Variants in ADCY2 observed in about 807,000 individuals in gnomAD.
ADCY2 encodes the protein adenylate cyclase 2.
Under a neutral mutation model 125.2 loss-of-function variants are expected in ADCY2, and 31 were observed. That is an observed-to-expected ratio of 0.25 (90% CI 0.19 to 0.33). The LOEUF is 0.33. Ranked by LOEUF, ADCY2 falls within the 10% of genes least tolerant of loss-of-function variation. The pLI is 1.00. For missense variants in ADCY2, 904 were observed against 1,418.2 expected, an observed-to-expected ratio of 0.64 and a Z score of 5.82; for synonymous variants, 512 against 548.4, an observed-to-expected ratio of 0.93 and a Z score of 0.93.
At chr5:7,403,129 G>A (rs1739331054) in intron 1 of ADCY2, among the ~76,000 whole-genome samples, 1 of 151,804 alleles carries the variant, frequency 6.6e-6, no homozygotes, top group Admixed American at 6.6e-5. Flanking sequence ...GTGTGTATAT[G>A]TGCGTGTGTG....
intron 2 of ADCY2, among the ~76,000 whole-genome samples, chr5:7,431,461 A>T (rs1347571103): frequency 6.6e-6 from 1 of 152,172 alleles, no homozygotes; most frequent in East Asian, 1.9e-4. Flanking sequence ...AAACATGAAG[A>T]AAGCTGTTAG....
At position 7,648,093 on chromosome 5, in the gene ADCY2, C is replaced by T. The variant is rs141805354; in HGVS notation, c.720+21777C>T. On this transcript the variant is annotated intron_variant, in intron 4 of 24. Coordinates refer to ENST00000338316, the MANE Select transcript of ADCY2 (RefSeq NM_020546.3). ...ATAGTCCATGAGATTTCACATTTTTCTGGTATTATTTTCAATCTGTTAGAA... is the reference window on the plus strand; with the variant it reads ...ATAGTCCATGAGATTTCACATTTTTTTGGTATTATTTTCAATCTGTTAGAA... 9.4e-3 allele frequency among the ~76,000 whole-genome samples: 1,437 copies of T among 152,250 alleles called. 10 individuals are homozygous for T. The highest frequency in any genetic ancestry group is 0.024 in the Middle Eastern group (7 of 294).
intron 2 of ADCY2, among the ~76,000 whole-genome samples, chr5:7,434,199 G>C (rs1579439918): frequency 6.6e-6 from 1 of 152,118 alleles, no homozygotes; most frequent in East Asian, 1.9e-4. Flanking sequence ...ACGCATGCAT[G>C]GGACTCCTGG....
At chr5:7,621,587 T>A (rs1737955099) in intron 3 of ADCY2, among the ~76,000 whole-genome samples, 1 of 152,174 alleles carries the variant, frequency 6.6e-6, no homozygotes, top group Non-Finnish European at 1.5e-5. Context: ...TGTTGCCTCG[T>A]CTATAAGATG....
intron 3 of ADCY2, among the ~76,000 whole-genome samples, chr5:7,529,356 G>A (rs1579540696): frequency 6.6e-6 from 1 of 152,164 alleles, no homozygotes; most frequent in South Asian, 2.1e-4. Context: ...TGTTTTCAGG[G>A]TGCAACAAGC....
At chr5:7,602,177 C>T (rs1579226248) in intron 3 of ADCY2, among the ~76,000 whole-genome samples, 1 of 152,172 alleles carries the variant, frequency 6.6e-6, no homozygotes, top group Admixed American at 6.5e-5. Flanking sequence ...TGCAAAGGTA[C>T]AATTTTTTCC....
At chr5:7,742,090 A>G (rs1742453774) in intron 14 of ADCY2, among the ~76,000 whole-genome samples, 1 of 150,822 alleles carries the variant, frequency 6.6e-6, no homozygotes, top group African/African-American at 2.4e-5. Flanking sequence ...ATCTGGCATT[A>G]CCTTAACACC....
Position 7,629,353 on chromosome 5 carries a change from G to A in ADCY2, c.720+3037G>A, listed in dbSNP as rs139263991. Among the ~76,000 whole-genome samples, 6 of 152,258 alleles carry A rather than the reference G, an allele frequency of 3.9e-5. No homozygotes were observed. In the East Asian group the frequency reaches 1.2e-3, roughly 29 times the overall value. On this transcript the variant is annotated intron_variant, in intron 4 of 24. Coordinates refer to ENST00000338316, the MANE Select transcript of ADCY2 (RefSeq NM_020546.3). ...GGGGGCACTGAAACTATTGGGACCTGTCTAACGATTCTGAAATCTTTTCAA... is the reference window on the plus strand; with the variant it reads ...GGGGGCACTGAAACTATTGGGACCTATCTAACGATTCTGAAATCTTTTCAA...
chr5:7,573,593 C>CTTTTTTCTTTT (rs1736134886), intron 3 of ADCY2, among the ~76,000 whole-genome samples: 1 of 86,376 alleles, frequency 1.2e-5, no homozygotes, highest in Non-Finnish European at 2.4e-5. Context: ...GGTTGATTTT[C>CTTTTTTCTTTT]TTTTTTTTTT....
intron 3 of ADCY2, among the ~76,000 whole-genome samples, chr5:7,574,588 T>A (rs981574242): frequency 2.0e-5 from 3 of 152,192 alleles, no homozygotes; most frequent in African/African-American, 7.2e-5. Flanking sequence ...AATTAAAGCA[T>A]CCTTAGGCAA....
intron 3 of ADCY2, among the ~76,000 whole-genome samples, chr5:7,625,960 A>G (rs2126657843): frequency 1.3e-5 from 2 of 152,366 alleles, no homozygotes; most frequent in Middle Eastern, 6.8e-3. Context: ...TCATCTACCA[A>G]AGGGCATGGA....
intron 14 of ADCY2, among the ~76,000 whole-genome samples, chr5:7,741,894 C>T (rs1742444721): frequency 7.1e-6 from 1 of 139,898 alleles, no homozygotes; most frequent in South Asian, 2.6e-4. Context: ...TCCCTGTCAC[C>T]ATCACTGTAT....
intron 3 of ADCY2, among the ~76,000 whole-genome samples, chr5:7,538,051 A>C (rs1474256339): frequency 6.6e-6 from 1 of 152,066 alleles, no homozygotes; most frequent in African/African-American, 2.4e-5. Flanking sequence ...CCTGAATAAC[A>C]CTGGACTCTC....
intron 3 of ADCY2, among the ~76,000 whole-genome samples, chr5:7,578,501 T>C (rs1244884072): frequency 1.3e-5 from 2 of 152,230 alleles, no homozygotes; most frequent in African/African-American, 2.4e-5. Context: ...ATTATTCTTT[T>C]TAGCAAGTTT....
chr5:7,413,714 C>T (rs1455770743), intron 1 of ADCY2, among the ~76,000 whole-genome samples: 1 of 152,026 alleles, frequency 6.6e-6, no homozygotes, highest in Non-Finnish European at 1.5e-5. Context: ...CCATAGCAAG[C>T]TTCCAGCATA....
At chr5:7,481,944 A>G (rs780275909) in intron 2 of ADCY2, among the ~76,000 whole-genome samples, 5 of 152,156 alleles carry the variant, frequency 3.3e-5, no homozygotes, top group Non-Finnish European at 7.4e-5. Flanking sequence ...AGTTTGAGGC[A>G]CTATATTTTA....
intron 3 of ADCY2, among the ~76,000 whole-genome samples, chr5:7,527,310 T>C (rs1734508160): frequency 2.0e-5 from 3 of 152,334 alleles, no homozygotes; most frequent in Middle Eastern, 3.4e-3. Context: ...ATCGTACATA[T>C]ACATCGTGCC....
chr5:7,476,006 G>C (rs117407709), intron 2 of ADCY2, among the ~76,000 whole-genome samples: 2 of 152,080 alleles, frequency 1.3e-5, no homozygotes, highest in African/African-American at 4.8e-5. Flanking sequence ...TTTTCAACCC[G>C]TTGGTATTAA....
Position 7,545,039 on chromosome 5 carries a change from C to T in ADCY2, c.570+24140C>T, listed in dbSNP as rs73739831. On this transcript the variant is annotated intron_variant, in intron 3 of 24. Coordinates refer to ENST00000338316, the MANE Select transcript of ADCY2 (RefSeq NM_020546.3). ...AGGTCTGCAGAGACCAGCGAGAGAG[C>T]GAGCATAGGAGCAAGATGGGAGCCG... is the stretch of plus-strand genomic sequence containing the variant. Among the ~76,000 whole-genome samples, 62 of 152,236 alleles carry T rather than the reference C, an allele frequency of 4.1e-4. 1 individual carries two copies. The highest frequency in any genetic ancestry group is 1.4e-3 in the African/African-American group (57 of 41,528).
Sources: allele counts gnomAD v4.1 joint callset (sites outside exome capture counted in the v4.1 genomes callset), GRCh38; gene constraint gnomAD v4.1.1; transcripts MANE v1.5; gene names NCBI Gene and HGNC (gene_info 2026-07-23, HGNC 2026-07-21).